RELN: variants seen among roughly 807,000 people sequenced by gnomAD.
The protein encoded by RELN is reelin.
RELN carries 108 observed loss-of-function variants against 427.6 expected under a neutral mutation model. The ratio of observed to expected loss-of-function variants is 0.25; its 90% CI spans 0.22 to 0.30. The LOEUF (loss-of-function observed/expected upper bound fraction) is 0.30. Ranked by LOEUF, RELN falls within the 10% of genes least tolerant of loss-of-function variation. The pLI, the probability that RELN is intolerant of heterozygous loss-of-function variation, is 1.00. For synonymous variants in RELN, 1,524 were observed against 1,513.4 expected, an observed-to-expected ratio of 1.01 and a Z score of -0.16; for missense variants, 3,715 against 4,302.8, an observed-to-expected ratio of 0.86 and a Z score of 3.82.
intron 5 of RELN, among the ~76,000 whole-genome samples, chr7:103,751,538 C>T (rs10276563): frequency 0.032 from 4,941 of 152,296 alleles, 266 homozygotes; most frequent in African/African-American, 0.11. Flanking sequence ...CTGGAGAGAA[C>T]GCTGTGATGT....
intron 2 of RELN, among the ~76,000 whole-genome samples, chr7:103,858,672 G>T (rs1794002661): frequency 6.6e-6 from 1 of 152,140 alleles, no homozygotes; most frequent in African/African-American, 2.4e-5. Context: ...ACTGTCATTA[G>T]TGCATCCTTT....
chr7:103,508,251 A>G (rs563562178), intron 51 of RELN, among the ~76,000 whole-genome samples: 4 of 152,214 alleles, frequency 2.6e-5, no homozygotes, highest in African/African-American at 9.6e-5. Context: ...TTTCAGGCCA[A>G]TATCCCTTAT....
chr7:103,604,417 G>A lies in RELN; in HGVS notation c.3075C>T (p.Asp1025=), dbSNP rs753881578. 4.3e-6 allele frequency: 7 copies of A among 1,613,902 alleles called. No individual in the cohort carries two copies. Among genetic ancestry groups the A allele is most frequent in the Non-Finnish European group, 4.2e-6 (5 of 1,179,874 alleles). ...YYTAQDEWAL[D]SIYIGQQCPN... ...GGCACTGCTGCCCAATGTAAATGCT[G>A]TCCAAAGCCCACTCGTCTTGAGCTG... Residue 1025 remains aspartate (D), a synonymous_variant, in exon 23 of 65, where the codon GAC becomes GAT. Transcript: ENST00000428762.
intron 16 of RELN, among the ~76,000 whole-genome samples, chr7:103,644,437 C>A: frequency 2.0e-5 from 3 of 148,452 alleles, no homozygotes. Context: ...AACCCAAACC[C>A]CAAACAAAAC....
intron 2 of RELN, among the ~76,000 whole-genome samples, chr7:103,871,161 A>G (rs1400541453): frequency 2.6e-5 from 4 of 152,162 alleles, no homozygotes; most frequent in Non-Finnish European, 5.9e-5. Flanking sequence ...GAAGTGCCTC[A>G]GGGTTAAATT....
intron 57 of RELN, among the ~76,000 whole-genome samples, chr7:103,495,035 A>G (rs1828793660): frequency 6.6e-6 from 1 of 152,164 alleles, no homozygotes; most frequent in Non-Finnish European, 1.5e-5. Flanking sequence ...AGAAGTAGGC[A>G]GAGTGCCCTA....
chr7:103,629,172 G>C (rs777969492), intron 20 of RELN, among the ~76,000 whole-genome samples: 2 of 152,130 alleles, frequency 1.3e-5, no homozygotes, highest in Non-Finnish European at 2.9e-5. Context: ...AGCTTTCTCC[G>C]AGAAGCCTCT....
At chr7:103,559,765 A>G (rs74598011) in intron 36 of RELN, among the ~76,000 whole-genome samples, 324 of 152,318 alleles carry the variant, frequency 2.1e-3, no homozygotes, top group African/African-American at 7.2e-3. Context: ...TTAGAGCTCA[A>G]TGCCATGTGG....
intron 11 of RELN, among the ~76,000 whole-genome samples, chr7:103,680,910 A>G (rs971540763): frequency 2.6e-5 from 4 of 152,128 alleles, no homozygotes; most frequent in Non-Finnish European, 5.9e-5. Flanking sequence ...AGTCATTCAG[A>G]GTCTCAGCCT....
intron 6 of RELN, among the ~76,000 whole-genome samples, chr7:103,746,369 T>C (rs1437358461): frequency 2.0e-5 from 3 of 152,204 alleles, no homozygotes; most frequent in Non-Finnish European, 4.4e-5. Context: ...AAGGACTTCA[T>C]GTCTAAAACA....
intron 1 of RELN, among the ~76,000 whole-genome samples, chr7:103,921,929 T>A (rs931485365): frequency 1.3e-5 from 2 of 152,188 alleles, no homozygotes; most frequent in Non-Finnish European, 2.9e-5. Flanking sequence ...TGCAGTCTGT[T>A]CTGACCTCCT....
chr7:103,951,730 T>C (rs1440964529), intron 1 of RELN, among the ~76,000 whole-genome samples: 2 of 151,990 alleles, frequency 1.3e-5, no homozygotes, highest in Non-Finnish European at 2.9e-5. Context: ...TGAAGTGCAG[T>C]GGCACGATCT....
At chr7:103,528,846 T>C (rs1223430140) in intron 46 of RELN, among the ~76,000 whole-genome samples, 2 of 150,862 alleles carry the variant, frequency 1.3e-5, no homozygotes, top group African/African-American at 4.9e-5. Flanking sequence ...TTTTTTAAAG[T>C]AAAGAATATA....
intron 6 of RELN, among the ~76,000 whole-genome samples, chr7:103,729,184 G>A (rs1457292549): frequency 6.6e-6 from 1 of 152,144 alleles, no homozygotes; most frequent in Non-Finnish European, 1.5e-5. Context: ...TATATTTCAT[G>A]CAGAAAGAAC....
At chr7:103,708,464 C>CTTTTTTCT (rs1789695631) in intron 8 of RELN, among the ~76,000 whole-genome samples, 3 of 110,104 alleles carry the variant, frequency 2.7e-5, no homozygotes, top group African/African-American at 1.3e-4. Context: ...GGGTATGACT[C>CTTTTTTCT]TTTTTTTTTT....
chr7:103,670,642 A>G (rs1273951055), intron 11 of RELN, among the ~76,000 whole-genome samples: 1 of 151,992 alleles, frequency 6.6e-6, no homozygotes, highest in African/African-American at 2.4e-5. Context: ...TTAGACTTTT[A>G]CTTTGCTCAT....
chr7:103,850,810 G>A lies in RELN; in HGVS notation c.338-17138C>T, dbSNP rs117101428. ...ATACCACCTTACTCCTGCAAGAATGGCCAAAATAAAAAAATCAAAACACAG... is the reference window on the plus strand; with the variant it reads ...ATACCACCTTACTCCTGCAAGAATGACCAAAATAAAAAAATCAAAACACAG... On this transcript the variant is annotated intron_variant, in intron 2 of 64. Coordinates refer to ENST00000428762, the MANE Select transcript of RELN (RefSeq NM_005045.4). Among the ~76,000 whole-genome samples the A allele has an allele frequency of 6.4e-3, 975 of 152,240 alleles. 3 individuals carry two copies. The highest frequency in any genetic ancestry group is 0.011 in the Non-Finnish European group (728 of 68,026).
intron 3 of RELN, among the ~76,000 whole-genome samples, chr7:103,779,230 C>A (rs527515200): frequency 6.6e-6 from 1 of 152,098 alleles, no homozygotes; most frequent in African/African-American, 2.4e-5. Flanking sequence ...TTCAACCAAA[C>A]CGTCTAGGCT....
chr7:103,969,046 A>C (rs569410006), intron 1 of RELN, among the ~76,000 whole-genome samples: 11 of 152,316 alleles, frequency 7.2e-5, no homozygotes, highest in African/African-American at 2.6e-4. Flanking sequence ...GGCTCTCCTA[A>C]TAATGAGTTA....
Sources: allele counts gnomAD v4.1 joint callset (sites outside exome capture counted in the v4.1 genomes callset), GRCh38; gene constraint gnomAD v4.1.1; transcripts MANE v1.5; gene names NCBI Gene and HGNC (gene_info 2026-07-23, HGNC 2026-07-21).